The following SORCS2 variants were observed in gnomAD, a reference collection of about 807,000 sequenced individuals.
SORCS2 encodes the protein VPS10 domain-containing receptor SorCS2.
SORCS2 carries 100 observed loss-of-function variants against 141.6 expected under a neutral mutation model. That is an observed-to-expected ratio of 0.71 (90% confidence interval 0.60 to 0.83). The LOEUF is 0.83. Among genes scored for constraint, SORCS2 ranks in the 40% least tolerant of loss-of-function variants. SORCS2 has a pLI of 0.00. For missense variants in SORCS2, 1,646 were observed against 1,560.2 expected (o/e 1.05, Z -0.93); for synonymous variants, 789 against 676.9 (o/e 1.17, Z -2.57).
At chr4:7,272,964 CAATGTGGTGGAGT>C (rs1250855073) in intron 1 of SORCS2, among the ~76,000 whole-genome samples, 2 of 152,230 alleles carry the variant, frequency 1.3e-5, no homozygotes, top group Non-Finnish European at 2.9e-5. Context: ...GGCCCTGGAC[CAATGTGGTGGAGT>C]TCAGGGATTT....
At chr4:7,586,561 T>C (rs528664112) in intron 3 of SORCS2, among the ~76,000 whole-genome samples, 4 of 152,328 alleles carry the variant, frequency 2.6e-5, no homozygotes, top group Admixed American at 6.5e-5. Context: ...CTCCTCCTTG[T>C]AAGTGAGAAC....
intron 1 of SORCS2, among the ~76,000 whole-genome samples, chr4:7,240,159 G>A (rs957611101): frequency 6.6e-6 from 1 of 152,208 alleles, no homozygotes; most frequent in Non-Finnish European, 1.5e-5. Flanking sequence ...GCCCCACGGG[G>A]CTGTCGTGAT....
rs183791326 is a variant in SORCS2, at chr4:7,283,835, C to T, written c.480+90709C>T. Among the ~76,000 whole-genome samples the T allele has an allele frequency of 2.3e-3, 345 of 152,126 alleles. 4 individuals are homozygous for T. The highest frequency in any genetic ancestry group is 9.9e-4 in the Non-Finnish European group (67 of 68,004). On this transcript the variant is annotated intron_variant, in intron 1 of 26. Transcript: ENST00000507866. ...GATGGAGGAGGGGGCAGGACCAGAACCTGGGGAGCCTTGGGCAGTTTTGGC... is the reference window on the plus strand; with the variant it reads ...GATGGAGGAGGGGGCAGGACCAGAATCTGGGGAGCCTTGGGCAGTTTTGGC...
intron 2 of SORCS2, among the ~76,000 whole-genome samples, chr4:7,474,056 C>T (rs752760092): frequency 2.0e-5 from 3 of 152,198 alleles, no homozygotes; most frequent in Non-Finnish European, 4.4e-5. Context: ...CATGTCTGCT[C>T]CCTGGTCGGT....
intron 1 of SORCS2, among the ~76,000 whole-genome samples, chr4:7,321,299 A>G (rs566596063): frequency 6.6e-6 from 1 of 152,156 alleles, no homozygotes; most frequent in Non-Finnish European, 1.5e-5. Flanking sequence ...GCTGAGTAGT[A>G]TTCCATGGTG....
At chr4:7,576,082 G>A (rs1215240741) in intron 3 of SORCS2, among the ~76,000 whole-genome samples, 2 of 152,226 alleles carry the variant, frequency 1.3e-5, no homozygotes, top group Non-Finnish European at 2.9e-5. Flanking sequence ...TGTGTGTGAG[G>A]ACGAGGAAGA....
chr4:7,544,338 G>A (rs1477479351), intron 3 of SORCS2, among the ~76,000 whole-genome samples: 1 of 152,242 alleles, frequency 6.6e-6, no homozygotes, highest in African/African-American at 2.4e-5. Context: ...ACAGGGTTAG[G>A]ATATTCCTTG....
chr4:7,591,053 C>T (rs575729776), intron 3 of SORCS2, among the ~76,000 whole-genome samples: 84 of 152,296 alleles, frequency 5.5e-4, no homozygotes, highest in Non-Finnish European at 1.1e-3. Flanking sequence ...GCACACTTGG[C>T]GGGTCTCAAT....
intron 9 of SORCS2, among the ~76,000 whole-genome samples, chr4:7,678,331 G>A (rs1723297775): frequency 6.6e-6 from 1 of 151,398 alleles, no homozygotes; most frequent in African/African-American, 2.4e-5. Context: ...CCGGTCCAAA[G>A]GCGACACCCA....
chr4:7,380,009 C>T (rs1256312953), intron 1 of SORCS2, among the ~76,000 whole-genome samples: 1 of 152,228 alleles, frequency 6.6e-6, no homozygotes, highest in Non-Finnish European at 1.5e-5. Flanking sequence ...TGCCCAGAGC[C>T]TGGCTGAGGA....
chr4:7,468,812 T>C (rs752112203), intron 2 of SORCS2, among the ~76,000 whole-genome samples: 54 of 152,144 alleles, frequency 3.5e-4, no homozygotes, highest in Non-Finnish European at 5.9e-4. Context: ...ATTCGGGGGT[T>C]TGGGTCTGGA....
In SORCS2 at chr4:7,648,185, C is replaced by T. The variant is rs1721201679; in HGVS notation, c.814-5949C>T. ...AAGGAGGGAGGCCATTTACTGAGACCGCAGAGGAGGAGGAGGAGGAGGAGG... is the reference window on the plus strand; with the variant it reads ...AAGGAGGGAGGCCATTTACTGAGACTGCAGAGGAGGAGGAGGAGGAGGAGG... On this transcript the variant is annotated intron_variant, in intron 4 of 26. Coordinates refer to ENST00000507866, the MANE Select transcript of SORCS2 (RefSeq NM_020777.3). This position sits in a 1 kb window ranked among gnomAD's most constrained non-coding sequence, Gnocchi z 4.2. Among the ~76,000 whole-genome samples, 2 of 53,694 alleles carry T rather than the reference C, an allele frequency of 3.7e-5. No homozygotes were observed. Among genetic ancestry groups the T allele is most frequent in the Admixed American group, 5.6e-4 (2 of 3,556 alleles). The allele number at this position is 53,694 out of a possible 152,430, so 35.2% of individuals were successfully genotyped here.
At chr4:7,541,206 C>T (rs561582853) in intron 3 of SORCS2, among the ~76,000 whole-genome samples, 13 of 152,320 alleles carry the variant, frequency 8.5e-5, no homozygotes, top group South Asian at 2.1e-4. Flanking sequence ...GGCTGCCATG[C>T]GTGCACCTGT....
chr4:7,496,932 T>C (rs6818189), intron 2 of SORCS2, among the ~76,000 whole-genome samples: 134,869 of 152,154 alleles, frequency 0.89, 61,459 homozygotes, highest in South Asian at 0.99. Context: ...CCAGTGCCCG[T>C]GCAGAGGTTT....
At chr4:7,582,951 C>G (rs1279336541) in intron 3 of SORCS2, among the ~76,000 whole-genome samples, 1 of 152,174 alleles carries the variant, frequency 6.6e-6, no homozygotes. Context: ...TGGGCTTATT[C>G]CTTGAACACA....
chr4:7,722,762 A>T (rs966911804), intron 18 of SORCS2, among the ~76,000 whole-genome samples: 3 of 152,246 alleles, frequency 2.0e-5, no homozygotes, highest in Non-Finnish European at 4.4e-5. Flanking sequence ...GACACTGACC[A>T]GCTCAATTTA....
At chr4:7,400,001 A>C (rs1724469611) in intron 2 of SORCS2, among the ~76,000 whole-genome samples, 1 of 152,128 alleles carries the variant, frequency 6.6e-6, no homozygotes, top group Non-Finnish European at 1.5e-5. Flanking sequence ...TTGCATTTCT[A>C]ACAAGCTCCC....
chr4:7,458,459 T>C (rs557705084), intron 2 of SORCS2, among the ~76,000 whole-genome samples: 2 of 152,228 alleles, frequency 1.3e-5, no homozygotes, highest in African/African-American at 2.4e-5. Flanking sequence ...GGGGAAACCG[T>C]GGAGAATTCC....
chr4:7,324,010 C>T (rs751709011), intron 1 of SORCS2, among the ~76,000 whole-genome samples: 3 of 152,224 alleles, frequency 2.0e-5, no homozygotes, highest in Non-Finnish European at 2.9e-5. Flanking sequence ...CTGAGGCCCA[C>T]ACCATCCTTA....
Sources: allele counts gnomAD v4.1 joint callset (sites outside exome capture counted in the v4.1 genomes callset), GRCh38; gene constraint gnomAD v4.1.1; non-coding constraint Gnocchi (gnomAD v3.1); transcripts MANE v1.5; gene names NCBI Gene and HGNC (gene_info 2026-07-23, HGNC 2026-07-21).